Variants in SLC35F3 observed in about 807,000 individuals in gnomAD.
The protein encoded by SLC35F3 is putative thiamine transporter SLC35F3.
SLC35F3 carries 25 observed loss-of-function variants against 49.9 expected under a neutral mutation model. That is an observed-to-expected ratio of 0.50 (90% CI 0.37 to 0.70). SLC35F3 has a LOEUF of 0.70. SLC35F3 is among the 30% of genes least tolerant of loss of function. SLC35F3 has a pLI of 0.00. For missense variants in SLC35F3, 525 were observed against 639.8 expected (o/e 0.82, Z 1.94); for synonymous variants, 275 against 265.4 (o/e 1.04, Z -0.35).
At position 233,938,803 on chromosome 1, in the gene SLC35F3, C is replaced by T. The variant is rs1043385392; in HGVS notation, c.283+33045C>T. On this transcript the variant is annotated intron_variant, in intron 2 of 7. Coordinates refer to ENST00000366618, the MANE Select transcript of SLC35F3 (RefSeq NM_173508.4). ...GAACTAGTCTAGGGAACTGAATGAT[C>T]GGAAAGGAAAGCAAATACAAGAAAT... Among the ~76,000 whole-genome samples, 18 of 151,682 alleles carry T rather than the reference C, an allele frequency of 1.2e-4. 1 individual carries two copies. The highest frequency in any genetic ancestry group is 1.0e-3 in the South Asian group (5 of 4,806).
At chr1:234,065,349 G>A (rs1049110132) in intron 2 of SLC35F3, among the ~76,000 whole-genome samples, 4 of 152,078 alleles carry the variant, frequency 2.6e-5, no homozygotes, top group Admixed American at 1.3e-4. Flanking sequence ...CGGTTTCACC[G>A]TGTTAGCCAG....
At chr1:234,252,685 CAAAT>C (rs1475728993) in intron 3 of SLC35F3, among the ~76,000 whole-genome samples, 1 of 152,126 alleles carries the variant, frequency 6.6e-6, no homozygotes, top group Non-Finnish European at 1.5e-5. Flanking sequence ...GTCAAATTAA[CAAAT>C]AAATTTTAAA....
In SLC35F3 at chr1:233,957,679, G is replaced by A. The variant is rs1169387409; in HGVS notation, c.283+51921G>A. Among the ~76,000 whole-genome samples the A allele has an allele frequency of 6.6e-6, 1 of 152,116 alleles. No homozygotes were observed. The highest frequency in any genetic ancestry group is 1.5e-5 in the Non-Finnish European group (1 of 68,020). On this transcript the variant is annotated intron_variant, in intron 2 of 7. Transcript: ENST00000366618. This position sits in a 1 kb window ranked among gnomAD's most constrained non-coding sequence, Gnocchi z 4.0. Reference sequence around the variant, plus strand: ...AAAGTACAAAAATTAGTTAGGCATGGTGGTGGGTGCCTGTACTCCCAGCTA... The same window carrying A: ...AAAGTACAAAAATTAGTTAGGCATGATGGTGGGTGCCTGTACTCCCAGCTA...
chr1:234,176,737 C>T (rs1302600946), intron 2 of SLC35F3, among the ~76,000 whole-genome samples: 1 of 152,088 alleles, frequency 6.6e-6, no homozygotes, highest in Non-Finnish European at 1.5e-5. Context: ...TGGGTTGTAC[C>T]CCAGACAGAC....
intron 2 of SLC35F3, among the ~76,000 whole-genome samples, chr1:234,023,598 T>C (rs188972946): frequency 6.6e-6 from 1 of 152,228 alleles, no homozygotes; most frequent in East Asian, 1.9e-4. Context: ...GAGCTGTGCA[T>C]GGTGACTTCT....
At chr1:233,990,249 A>G (rs547882380) in intron 2 of SLC35F3, among the ~76,000 whole-genome samples, 2 of 152,222 alleles carry the variant, frequency 1.3e-5, no homozygotes, top group African/African-American at 4.8e-5. Context: ...AGTGACTCAC[A>G]TATACTAGAA....
At chr1:234,025,383 A>G (rs893816155) in intron 2 of SLC35F3, among the ~76,000 whole-genome samples, 2 of 152,210 alleles carry the variant, frequency 1.3e-5, no homozygotes, top group Non-Finnish European at 2.9e-5. Context: ...AAGTTCTTTG[A>G]GAAATCTCCA....
At chr1:234,237,303 G>C (rs1667490071) in intron 3 of SLC35F3, among the ~76,000 whole-genome samples, 1 of 152,114 alleles carries the variant, frequency 6.6e-6, no homozygotes, top group Non-Finnish European at 1.5e-5. Flanking sequence ...CAAGAACTTT[G>C]AGTGTGAATC....
chr1:233,984,838 T>C (rs867288463), intron 2 of SLC35F3, among the ~76,000 whole-genome samples: 58 of 152,322 alleles, frequency 3.8e-4, no homozygotes, highest in African/African-American at 1.3e-3. Context: ...TAAGATGTTA[T>C]CTTTAATTTC....
intron 2 of SLC35F3, among the ~76,000 whole-genome samples, chr1:233,930,266 C>T (rs1487358365): frequency 1.3e-5 from 2 of 152,010 alleles, no homozygotes; most frequent in African/African-American, 4.8e-5. Flanking sequence ...TACCGCAGCC[C>T]CGGATGTAGA....
At chr1:234,125,125 C>T (rs1333254403) in intron 2 of SLC35F3, among the ~76,000 whole-genome samples, 1 of 152,074 alleles carries the variant, frequency 6.6e-6, no homozygotes, top group East Asian at 1.9e-4. Flanking sequence ...CATCCTATCC[C>T]GCCTCATATC....
chr1:233,907,720 T>G (rs1188448874), intron 2 of SLC35F3, among the ~76,000 whole-genome samples: 1 of 152,220 alleles, frequency 6.6e-6, no homozygotes, highest in East Asian at 1.9e-4. Context: ...TTTTTGTTTT[T>G]TTTTTCTTTG....
chr1:234,088,683 G>A lies in SLC35F3; in HGVS notation c.284-142734G>A, dbSNP rs111901612. On this transcript the variant is annotated intron_variant, in intron 2 of 7. Coordinates refer to ENST00000366618, the MANE Select transcript of SLC35F3 (RefSeq NM_173508.4). ...TTGCCATATTTTGTATGTTGTGGGG[G>A]CTGACAAAGAACTGCACACCACAGA... is the stretch of plus-strand genomic sequence containing the variant. 1.9e-3 allele frequency among the ~76,000 whole-genome samples: 294 copies of A among 152,260 alleles called. 1 individual carries two copies. Among genetic ancestry groups the A allele is most frequent in the African/African-American group, 6.9e-3 (285 of 41,546 alleles).
chr1:234,140,002 A>AATAAAATAAAAAAAAAAT, intron 2 of SLC35F3, among the ~76,000 whole-genome samples: 7 of 105,478 alleles, frequency 6.6e-5, no homozygotes, highest in Non-Finnish European at 9.5e-5. Flanking sequence ...AATAAAATAA[A>AATAAAATAAAAAAAAAAT]GTAAGTGACT....
intron 2 of SLC35F3, among the ~76,000 whole-genome samples, chr1:234,215,318 G>A (rs1472217162): frequency 6.6e-6 from 1 of 152,206 alleles, no homozygotes; most frequent in Non-Finnish European, 1.5e-5. Context: ...GCAGCCCACC[G>A]AGGAGAGCTT....
intron 2 of SLC35F3, among the ~76,000 whole-genome samples, chr1:233,992,794 T>A (rs531701929): frequency 6.6e-6 from 1 of 152,234 alleles, no homozygotes; most frequent in East Asian, 1.9e-4. Context: ...GGGACAGGGA[T>A]TATTACAAGA....
In SLC35F3 at chr1:234,310,239, A is replaced by C. The variant is rs144847574; in HGVS notation, c.828+919A>C. On this transcript the variant is annotated intron_variant, in intron 4 of 7. Coordinates refer to ENST00000366618, the MANE Select transcript of SLC35F3 (RefSeq NM_173508.4). ...TAGTTAGTGTACAGCTTTCCCCTTCAGCCACAAAGCTAAGAGCCGGTTTGA... is the reference window on the plus strand; with the variant it reads ...TAGTTAGTGTACAGCTTTCCCCTTCCGCCACAAAGCTAAGAGCCGGTTTGA... Among the ~76,000 whole-genome samples, 9 of 152,276 alleles carry C rather than the reference A, an allele frequency of 5.9e-5. No homozygotes were observed. The East Asian group carries it at 1.5e-3, about 26-fold the overall frequency.
chr1:234,116,239 A>G (rs1320518002), intron 2 of SLC35F3, among the ~76,000 whole-genome samples: 1 of 152,184 alleles, frequency 6.6e-6, no homozygotes, highest in African/African-American at 2.4e-5. Context: ...TCCTTCCAAA[A>G]GATTTATGAG....
chr1:233,955,878 CTTTTTTTTTTTTT>C lies in SLC35F3; in HGVS notation c.283+50135_283+50147del, dbSNP rs869035917. 8.3e-5 allele frequency among the ~76,000 whole-genome samples: 4 copies of C among 48,130 alleles called. 1 individual carries two copies. The highest frequency in any genetic ancestry group is 9.9e-5 in the African/African-American group (1 of 10,136). The allele number at this position is 48,130 out of a possible 152,430, so 31.6% of individuals were successfully genotyped here. A position where few individuals can be genotyped will look rare whatever the true frequency, so the allele number is the denominator to read the frequency against. On this transcript the variant is annotated intron_variant, in intron 2 of 7. Coordinates refer to ENST00000366618, the MANE Select transcript of SLC35F3 (RefSeq NM_173508.4). ...GAGTCAGCAGAGGAGGTGTGGGTAT[CTTTTTTTTTTTTT>C]TTTTTTTTTTTTTTGAGTTGGTGTC...
Sources: gnomAD v4.1 joint callset for allele counts (sites outside exome capture counted in the v4.1 genomes callset) on GRCh38, gnomAD v4.1.1 for gene constraint, Gnocchi (gnomAD v3.1) non-coding constraint, MANE v1.5 for transcripts, NCBI Gene and HGNC (gene_info 2026-07-23, HGNC 2026-07-21) for gene names.